DMD: variants seen among roughly 807,000 people sequenced by gnomAD.
DMD encodes the protein mutant dystrophin.
DMD carries 63 observed loss-of-function variants against 330.1 expected under a neutral mutation model. The ratio of observed to expected loss-of-function variants is 0.19; its 90% confidence interval spans 0.16 to 0.24. The LOEUF (loss-of-function observed/expected upper bound fraction) is 0.24, where lower values mean the gene tolerates loss of function less well. DMD is among the 10% of genes least tolerant of loss of function. The probability of loss-of-function intolerance (pLI) is 1.00; values close to 1 mark genes in which losing one functional copy is unlikely to be tolerated. For missense variants in DMD, 3,344 were observed against 2,684.1 expected, an observed-to-expected ratio of 1.25 and a Z score of -5.43; for synonymous variants, 1,223 against 959.8, an observed-to-expected ratio of 1.27 and a Z score of -5.07.
chrX:32,476,154 T>C (rs2041214365), intron 21 of DMD, among the ~76,000 whole-genome samples: 1 of 111,031 alleles, frequency 9.0e-6, no homozygotes, highest in African/African-American at 3.3e-5. Context: ...TTTGGTTTAA[T>C]TGAACTTGAA....
chrX:31,785,054 C>T (rs186233134), intron 50 of DMD, among the ~76,000 whole-genome samples: 3 of 111,565 alleles, frequency 2.7e-5, no homozygotes, highest in Non-Finnish European at 1.9e-5. Flanking sequence ...GATTGATAAA[C>T]GGATTAAAAA....
At chrX:33,067,234 A>T (rs2094678064) in intron 1 of DMD, among the ~76,000 whole-genome samples, 1 of 112,343 alleles carries the variant, frequency 8.9e-6, no homozygotes, top group African/African-American at 3.2e-5. Flanking sequence ...GAAGATGGAA[A>T]TAGGGTTGTT....
At chrX:32,585,095 C>A (rs2149207312) in intron 13 of DMD, among the ~76,000 whole-genome samples, 1 of 111,053 alleles carries the variant, frequency 9.0e-6, no homozygotes, top group South Asian at 3.8e-4. Context: ...CACAGAAAGA[C>A]AAATACCACA....
At chrX:31,839,109 C>G (rs1306642572) in intron 48 of DMD, among the ~76,000 whole-genome samples, 1 of 111,741 alleles carries the variant, frequency 8.9e-6, no homozygotes, top group Non-Finnish European at 1.9e-5. Context: ...AGTCGTCATT[C>G]CCATTCATTG....
At chrX:32,666,988 T>C (rs1379159307) in intron 9 of DMD, among the ~76,000 whole-genome samples, 5 of 111,393 alleles carry the variant, frequency 4.5e-5, no homozygotes. Context: ...CATTGAAGCA[T>C]TGTTCACAGT....
intron 41 of DMD, among the ~76,000 whole-genome samples, chrX:32,318,776 C>A (rs766072217): frequency 1.8e-5 from 2 of 111,517 alleles, no homozygotes; most frequent in Non-Finnish European, 3.8e-5. Flanking sequence ...CCTTTATGCC[C>A]ATATTATTTA....
At chrX:31,685,948 T>C (rs1466981040) in intron 52 of DMD, among the ~76,000 whole-genome samples, 2 of 111,882 alleles carry the variant, frequency 1.8e-5, no homozygotes, top group Non-Finnish European at 1.9e-5. Context: ...AATAACTAGT[T>C]CCATAACTGG....
At chrX:31,346,304 G>A (rs1412028837) in intron 61 of DMD, among the ~76,000 whole-genome samples, 2 of 91,787 alleles carry the variant, frequency 2.2e-5, no homozygotes, top group Non-Finnish European at 4.5e-5. Context: ...CTACCTTAAG[G>A]GATTGAAGGG....
rs370326902 is a variant in DMD at position 32,541,787 on chromosome X, C to A, written c.2168+3372G>T. On this transcript the variant is annotated intron_variant, in intron 17 of 78. Transcript: ENST00000357033. Reference sequence around the variant, plus strand: ...CCCATGTAACAAACCTACACGTTAACCCCTTGAACCTAAACTAAAAGTTGG... The same window carrying A: ...CCCATGTAACAAACCTACACGTTAAACCCTTGAACCTAAACTAAAAGTTGG... Among the ~76,000 whole-genome samples the A allele has an allele frequency of 1.3e-4, 12 of 91,044 alleles. No individual in the cohort carries two copies. In the East Asian group the frequency reaches 3.2e-3, roughly 25 times the overall value. The allele number at this position is 91,044 out of a possible 115,157, so 79.1% of individuals were successfully genotyped here.
intron 7 of DMD, among the ~76,000 whole-genome samples, chrX:32,718,204 C>A (rs992523805): frequency 8.1e-5 from 9 of 111,314 alleles, no homozygotes; most frequent in African/African-American, 2.6e-4. Flanking sequence ...CTGCCCAAAT[C>A]TCATGTTGTA....
chrX:31,294,056 T>C (rs1394305123), intron 62 of DMD, among the ~76,000 whole-genome samples: 2 of 111,836 alleles, frequency 1.8e-5, no homozygotes, highest in Admixed American at 9.5e-5. Context: ...AAAGCTTAGA[T>C]AAAAAGTAGG....
At chrX:31,838,786 G>A (rs1238528553) in intron 48 of DMD, among the ~76,000 whole-genome samples, 1 of 111,312 alleles carries the variant, frequency 9.0e-6, no homozygotes, top group Non-Finnish European at 1.9e-5. Context: ...TAGTAGTGAC[G>A]GTAGTGACAA....
At chrX:31,704,843 T>A (rs1004845450) in intron 52 of DMD, among the ~76,000 whole-genome samples, 4 of 112,089 alleles carry the variant, frequency 3.6e-5, no homozygotes, top group Non-Finnish European at 7.5e-5. Context: ...ATCTCTTATA[T>A]AACTGAGATT....
intron 49 of DMD, among the ~76,000 whole-genome samples, chrX:31,820,418 T>C (rs1248254762): frequency 8.9e-6 from 1 of 112,213 alleles, no homozygotes; most frequent in African/African-American, 3.2e-5. Context: ...TGTGGTTGCA[T>C]ACTAAAATTA....
At chrX:31,998,077 G>A (rs1216042975) in intron 44 of DMD, among the ~76,000 whole-genome samples, 1 of 111,211 alleles carries the variant, frequency 9.0e-6, no homozygotes, top group Non-Finnish European at 1.9e-5. Flanking sequence ...CCCAGCAAAC[G>A]CAGAGTTAGT....
chrX:32,474,324 C>A (rs1222547095), intron 21 of DMD, among the ~76,000 whole-genome samples: 2 of 111,504 alleles, frequency 1.8e-5, no homozygotes, highest in Non-Finnish European at 3.8e-5. Flanking sequence ...CTGCTATAAA[C>A]ATGCATGTGC....
chrX:32,567,934 G>C (rs6653878), intron 15 of DMD, among the ~76,000 whole-genome samples: 6,520 of 110,927 alleles, frequency 0.059, 181 homozygotes, highest in African/African-American at 0.095. Context: ...AAAAATCTAA[G>C]TACAATCCTC....
intron 2 of DMD, among the ~76,000 whole-genome samples, chrX:32,967,082 T>C (rs771887315): frequency 1.8e-5 from 2 of 111,963 alleles, no homozygotes; most frequent in East Asian, 2.8e-4. Context: ...CCGTAGGTAC[T>C]GAAAGGCAGT....
At chrX:31,864,485 C>T (rs867413782) in intron 48 of DMD, among the ~76,000 whole-genome samples, 1 of 54,334 alleles carries the variant, frequency 1.8e-5, no homozygotes, top group Admixed American at 2.0e-4. Flanking sequence ...TTTTGAAGGC[C>T]TTTTTTTTTT....
Sources: gnomAD v4.1 joint callset for allele counts (sites outside exome capture counted in the v4.1 genomes callset) on GRCh38, gnomAD v4.1.1 for gene constraint, MANE v1.5 for transcripts, NCBI Gene and HGNC (gene_info 2026-07-23, HGNC 2026-07-21) for gene names.